LMNTD1: variants seen among roughly 807,000 people sequenced by gnomAD.
LMNTD1 encodes lamin tail domain containing 1.
Under a neutral mutation model 50.9 loss-of-function variants are expected in LMNTD1, and 35 were observed. The ratio of observed to expected loss-of-function variants is 0.69; its 90% CI spans 0.53 to 0.91. The LOEUF (loss-of-function observed/expected upper bound fraction) is 0.91, where lower values mean the gene tolerates loss of function less well. Ranked by LOEUF, LMNTD1 falls within the 40% of genes least tolerant of loss-of-function variation. The pLI, the probability that LMNTD1 is intolerant of heterozygous loss-of-function variation, is 0.00. For synonymous variants in LMNTD1, 153 were observed against 161.9 expected (o/e 0.94, Z 0.42); for missense variants, 470 against 475.5 (o/e 0.99, Z 0.11).
chr12:25,493,968 T>G lies in LMNTD1; in HGVS notation c.*22+9770A>C, dbSNP rs1938975563. Among the ~76,000 whole-genome samples, 3 of 152,194 alleles carry G rather than the reference T, an allele frequency of 2.0e-5. No individual in the cohort carries two copies. The South Asian group carries it at 6.2e-4, about 32-fold the overall frequency. On this transcript the variant is annotated intron_variant, in intron 9 of 9. Transcript: ENST00000458174. ...CAGCTGCCTTAAGGAGAGGACGTTG[T>G]GGACAGGAATGTGCTGTCAGGACCG... is the stretch of plus-strand genomic sequence containing the variant.
chr12:25,487,152 A>G (rs1271318327), intron 9 of LMNTD1, among the ~76,000 whole-genome samples: 51 of 144,424 alleles, frequency 3.5e-4, no homozygotes, highest in South Asian at 1.5e-3. Context: ...TATTAGGTCC[A>G]CTTGGTGCAG....
chr12:25,621,255 C>T (rs901945894), intron 1 of LMNTD1, among the ~76,000 whole-genome samples: 1 of 152,092 alleles, frequency 6.6e-6, no homozygotes, highest in Non-Finnish European at 1.5e-5. Context: ...GACAGGGTCA[C>T]ACTCTGTCAC....
chr12:25,550,174 T>C (rs962933668), intron 2 of LMNTD1, among the ~76,000 whole-genome samples: 1 of 149,896 alleles, frequency 6.7e-6, no homozygotes, highest in African/African-American at 2.4e-5. Flanking sequence ...TCGTGTACTA[T>C]TTTTATAAGT....
At chr12:25,571,668 A>C (rs796636480) in intron 1 of LMNTD1, among the ~76,000 whole-genome samples, 16 of 149,880 alleles carry the variant, frequency 1.1e-4, no homozygotes, top group African/African-American at 3.9e-4. Context: ...CAACCTTTTC[A>C]AAAAATATTT....
At chr12:25,632,006 T>C (rs1946729191) in intron 1 of LMNTD1, among the ~76,000 whole-genome samples, 2 of 152,198 alleles carry the variant, frequency 1.3e-5, no homozygotes, top group African/African-American at 2.4e-5. Context: ...TGTAAAATGC[T>C]CTGCAAAGCC....
intron 1 of LMNTD1, among the ~76,000 whole-genome samples, chr12:25,611,355 C>A (rs937234059): frequency 6.6e-6 from 1 of 152,060 alleles, no homozygotes. Flanking sequence ...CAAAGGAAGC[C>A]TTTGGTGTTT....
intron 1 of LMNTD1, among the ~76,000 whole-genome samples, chr12:25,562,310 A>G (rs1012522151): frequency 2.0e-5 from 3 of 152,092 alleles, no homozygotes; most frequent in African/African-American, 7.2e-5. Flanking sequence ...TTCCTTCAAG[A>G]GCTCTTGTAA....
intron 1 of LMNTD1, among the ~76,000 whole-genome samples, chr12:25,578,380 A>G (rs1432647618): frequency 6.6e-6 from 1 of 152,196 alleles, no homozygotes; most frequent in Non-Finnish European, 1.5e-5. Context: ...AGTAAGTGAG[A>G]ATGTGCCAAA....
At chr12:25,639,051 G>T (rs952402393) in intron 1 of LMNTD1, among the ~76,000 whole-genome samples, 32 of 152,056 alleles carry the variant, frequency 2.1e-4, no homozygotes, top group African/African-American at 7.5e-4. Flanking sequence ...GGGTGCTAAG[G>T]CAATTCAAGG....
Position 25,549,256 on chromosome 12 carries a change from C to A in LMNTD1, c.310+70G>T, listed in dbSNP as rs140866724. 30 of 782,168 alleles carry A rather than the reference C, an allele frequency of 3.8e-5. No homozygotes were observed. In the African/African-American group the frequency reaches 5.3e-4, roughly 14 times the overall value. 48.5% of individuals were successfully genotyped at this position (782,168 alleles called of 1,614,324 possible). A position where few individuals can be genotyped will look rare whatever the true frequency, so the allele number is the denominator to read the frequency against. On this transcript the variant is annotated intron_variant, in intron 3 of 9. Transcript: ENST00000458174. Reference sequence around the variant, plus strand: ...ATAAAACATCATTCTGACTGAGAGTCATATATGCAATCTATTGAAATATAA... The same window carrying A: ...ATAAAACATCATTCTGACTGAGAGTAATATATGCAATCTATTGAAATATAA...
At chr12:25,587,223 T>G (rs1945557537) in intron 1 of LMNTD1, among the ~76,000 whole-genome samples, 1 of 152,248 alleles carries the variant, frequency 6.6e-6, no homozygotes. Context: ...TCTGTACCTA[T>G]GTCTTCTTTC....
intron 1 of LMNTD1, among the ~76,000 whole-genome samples, chr12:25,558,308 C>T (rs1944123684): frequency 6.6e-6 from 1 of 152,042 alleles, no homozygotes; most frequent in Non-Finnish European, 1.5e-5. Context: ...ATTTCTTCTA[C>T]TGATTTTGGG....
intron 8 of LMNTD1, among the ~76,000 whole-genome samples, chr12:25,507,033 C>T (rs1285738275): frequency 6.6e-6 from 1 of 152,058 alleles, no homozygotes; most frequent in Non-Finnish European, 1.5e-5. Context: ...GCATGCTCCA[C>T]ACCTTGCTAA....
intron 1 of LMNTD1, among the ~76,000 whole-genome samples, chr12:25,571,539 A>G (rs1481930866): frequency 6.6e-6 from 1 of 151,820 alleles, no homozygotes; most frequent in Non-Finnish European, 1.5e-5. Context: ...AATGTTTTAT[A>G]TTTTTAGTAG....
intron 1 of LMNTD1, among the ~76,000 whole-genome samples, chr12:25,615,283 C>T (rs1946330487): frequency 6.6e-6 from 1 of 151,982 alleles, no homozygotes; most frequent in Non-Finnish European, 1.5e-5. Context: ...GAGCACAATT[C>T]CTGGATATAG....
At chr12:25,599,116 T>C (rs1381538868) in intron 1 of LMNTD1, among the ~76,000 whole-genome samples, 1 of 152,052 alleles carries the variant, frequency 6.6e-6, no homozygotes, top group Admixed American at 6.6e-5. Flanking sequence ...TCATTCATCA[T>C]AACCAAGTGG....
chr12:25,489,182 T>G (rs1405995538), intron 9 of LMNTD1, among the ~76,000 whole-genome samples: 1 of 151,952 alleles, frequency 6.6e-6, no homozygotes, highest in Non-Finnish European at 1.5e-5. Context: ...GGCTGCTTTG[T>G]TTACCTAAGC....
At chr12:25,534,309 A>G (rs1272494173) in intron 4 of LMNTD1, among the ~76,000 whole-genome samples, 1 of 152,228 alleles carries the variant, frequency 6.6e-6, no homozygotes, top group East Asian at 1.9e-4. Context: ...TCCATCTGAA[A>G]CAACTAAAAA....
intron 9 of LMNTD1, among the ~76,000 whole-genome samples, chr12:25,489,941 C>G (rs1938830788): frequency 6.6e-6 from 1 of 152,138 alleles, no homozygotes; most frequent in East Asian, 1.9e-4. Flanking sequence ...CAAAGAGAAA[C>G]TGTAAAAACG....
Sources: allele counts gnomAD v4.1 joint callset (sites outside exome capture counted in the v4.1 genomes callset), GRCh38; gene constraint gnomAD v4.1.1; transcripts MANE v1.5; gene names NCBI Gene and HGNC (gene_info 2026-07-23, HGNC 2026-07-21).